The following NEDD4L variants were observed in gnomAD, a reference collection of about 807,000 sequenced individuals.
The protein encoded by NEDD4L is NEDD4 like E3 ubiquitin protein ligase.
Under a neutral mutation model 148.9 loss-of-function variants are expected in NEDD4L, and 54 were observed. The observed-to-expected ratio is 0.36, with a 90% CI of 0.29 to 0.45. The LOEUF is 0.45. Among genes scored for constraint, NEDD4L ranks in the 20% least tolerant of loss-of-function variants. The probability of loss-of-function intolerance (pLI) is 1.00; values close to 1 mark genes in which losing one functional copy is unlikely to be tolerated. For missense variants in NEDD4L, 856 were observed against 1,233.8 expected (o/e 0.69, Z 4.59); for synonymous variants, 433 against 440.7 (o/e 0.98, Z 0.22).
intron 23 of NEDD4L, 47 bp from the exon 24 acceptor site, chr18:58,373,127 A>G (rs775068251): frequency 4.5e-5 from 46 of 1,017,088 alleles, no homozygotes; most frequent in Non-Finnish European, 6.4e-5. Flanking sequence ...ATGAGTTTGT[A>G]TTTTGGGGAA....
intron 9 of NEDD4L, 125 bp downstream of exon 9, chr18:58,325,287 G>A (rs1033703433): frequency 1.8e-6 from 2 of 1,106,048 alleles, no homozygotes; most frequent in Admixed American, 2.2e-5. Context: ...TGGTGGTGTG[G>A]TACGAGATTC....
At chr18:58,271,849 C>A (rs973193954) in intron 5 of NEDD4L, among the ~76,000 whole-genome samples, 9 of 152,022 alleles carry the variant, frequency 5.9e-5, no homozygotes, top group African/African-American at 2.2e-4. Flanking sequence ...TGTATGTTTT[C>A]CCAACTTAAT....
At chr18:58,049,805 C>G (rs762680722) in intron 1 of NEDD4L, among the ~76,000 whole-genome samples, 1 of 151,280 alleles carries the variant, frequency 6.6e-6, no homozygotes, top group African/African-American at 2.4e-5. Flanking sequence ...GGTGAAACCC[C>G]GTCTCTACAA....
chr18:58,115,698 C>T (rs1427855489), intron 1 of NEDD4L, among the ~76,000 whole-genome samples: 1 of 152,136 alleles, frequency 6.6e-6, no homozygotes, highest in East Asian at 1.9e-4. Context: ...AATGTGCATC[C>T]TCTCTTGTGT....
At chr18:58,060,685 A>AT (rs2082293158) in intron 1 of NEDD4L, among the ~76,000 whole-genome samples, 1 of 152,176 alleles carries the variant, frequency 6.6e-6, no homozygotes, top group Non-Finnish European at 1.5e-5. Context: ...TCTCTATTAA[A>AT]TACTTAGTAC....
intron 2 of NEDD4L, chr18:58,195,594 G>T: frequency 7.4e-7 from 1 of 1,342,346 alleles, no homozygotes; most frequent in South Asian, 1.2e-5. Flanking sequence ...CAGGCTGTTG[G>T]TTACCTGGCC....
chr18:58,238,459 A>G (rs1204811655), intron 2 of NEDD4L, among the ~76,000 whole-genome samples: 1 of 152,220 alleles, frequency 6.6e-6, no homozygotes, highest in Non-Finnish European at 1.5e-5. Context: ...AACTTAATAA[A>G]AACCATAAAT....
At chr18:58,265,590 G>A (rs951110870) in intron 5 of NEDD4L, among the ~76,000 whole-genome samples, 3 of 152,054 alleles carry the variant, frequency 2.0e-5, no homozygotes, top group Admixed American at 1.3e-4. Context: ...AGGGAGACAG[G>A]GTCTTGCTCT....
intron 2 of NEDD4L, among the ~76,000 whole-genome samples, chr18:58,224,307 A>G (rs1158132926): frequency 6.6e-6 from 1 of 152,202 alleles, no homozygotes; most frequent in Non-Finnish European, 1.5e-5. Context: ...AGCCATTGAG[A>G]GTCCTGGGGG....
rs2081482599 is a variant in NEDD4L at position 58,044,505 on chromosome 18, A to G, written c.-156A>G. On this transcript the variant is annotated 5_prime_UTR_variant, in exon 1 of 31. Transcript: ENST00000400345. ...CAGCGTCCAGGGCGCGCTCTCGGGC[A>G]CCCTCACCTGCCGGCGCCCGGCCGC... 9.7e-7 allele frequency: 1 copy of G among 1,027,916 alleles called. No homozygotes were observed. The highest frequency in any genetic ancestry group is 1.3e-6 in the Non-Finnish European group (1 of 794,150). The allele number at this position is 1,027,916 out of a possible 1,614,324, so 63.7% of individuals were successfully genotyped here.
At chr18:58,104,305 A>C (rs1367845786) in intron 1 of NEDD4L, among the ~76,000 whole-genome samples, 3 of 152,236 alleles carry the variant, frequency 2.0e-5, no homozygotes, top group African/African-American at 7.2e-5. Flanking sequence ...CTAAGATCAC[A>C]GCAAGCTTAT....
chr18:58,338,731 C>T (rs2042076158), intron 13 of NEDD4L, among the ~76,000 whole-genome samples: 2 of 152,102 alleles, frequency 1.3e-5, no homozygotes, highest in South Asian at 2.1e-4. Flanking sequence ...GCCTGACCAA[C>T]GTGGTGAAAC....
At chr18:58,352,974 T>C (rs2044108003) in intron 18 of NEDD4L, among the ~76,000 whole-genome samples, 1 of 152,246 alleles carries the variant, frequency 6.6e-6, no homozygotes, top group South Asian at 2.1e-4. Flanking sequence ...ATTTCACTTG[T>C]GGTGTCATAG....
In NEDD4L at chr18:58,166,214, A is replaced by G. The variant is rs78339254; in HGVS notation, c.122+353A>G. On this transcript the variant is annotated intron_variant, in intron 2 of 30. Transcript: ENST00000400345. ...AATATTTCAAACTTAGGGAAACATA[A>G]AAGTGTCATTTTGTTTCTAGGAGAA... is the stretch of plus-strand genomic sequence containing the variant. Among the ~76,000 whole-genome samples the G allele has an allele frequency of 6.1e-3, 928 of 152,354 alleles. 13 individuals are homozygous for G. Among genetic ancestry groups the G allele is most frequent in the African/African-American group, 0.021 (875 of 41,584 alleles).
chr18:58,177,139 A>T (rs955960963), intron 2 of NEDD4L, among the ~76,000 whole-genome samples: 3 of 151,782 alleles, frequency 2.0e-5, no homozygotes, highest in Non-Finnish European at 4.4e-5. Flanking sequence ...GCCCCTCCTC[A>T]TTCCTTCCTC....
chr18:58,083,158 A>G (rs374435850), intron 1 of NEDD4L, among the ~76,000 whole-genome samples: 1 of 152,232 alleles, frequency 6.6e-6, no homozygotes, highest in African/African-American at 2.4e-5. Flanking sequence ...GAATGAACAG[A>G]AAAGATCAGT....
intron 1 of NEDD4L, among the ~76,000 whole-genome samples, chr18:58,111,412 T>C (rs1054117417): frequency 2.0e-5 from 3 of 152,182 alleles, no homozygotes; most frequent in Admixed American, 1.3e-4. Flanking sequence ...CTGTACGATA[T>C]AACCATCACC....
At chr18:58,106,776 T>C (rs1465243891) in intron 1 of NEDD4L, among the ~76,000 whole-genome samples, 2 of 152,190 alleles carry the variant, frequency 1.3e-5, no homozygotes, top group South Asian at 2.1e-4. Flanking sequence ...GCAATTGTCA[T>C]ACCTATTTTG....
chr18:58,260,847 C>T (rs1477196578), intron 5 of NEDD4L, among the ~76,000 whole-genome samples: 2 of 152,140 alleles, frequency 1.3e-5, no homozygotes, highest in Non-Finnish European at 2.9e-5. Context: ...TCCAAAGAGC[C>T]GTCCTCTGCA....
Sources: gnomAD v4.1 joint callset for allele counts (sites outside exome capture counted in the v4.1 genomes callset) on GRCh38, gnomAD v4.1.1 for gene constraint, MANE v1.5 for transcripts, NCBI Gene and HGNC (gene_info 2026-07-23, HGNC 2026-07-21) for gene names.